Variants in PCDH15 observed in about 807,000 individuals in gnomAD.
PCDH15 encodes the protein protocadherin-15.
In PCDH15, 129 loss-of-function variants were observed where a neutral mutation model predicts 178.5. That is an observed-to-expected ratio of 0.72 (90% CI 0.63 to 0.84). PCDH15 has a LOEUF of 0.84. Among genes scored for constraint, PCDH15 ranks in the 40% least tolerant of loss-of-function variants. The pLI is 0.00. For synonymous variants in PCDH15, 800 were observed against 732.0 expected, an observed-to-expected ratio of 1.09 and a Z score of -1.50; for missense variants, 2,230 against 2,099.9, an observed-to-expected ratio of 1.06 and a Z score of -1.21.
intron 2 of PCDH15, among the ~76,000 whole-genome samples, chr10:55,075,618 C>T (rs1285063137): frequency 6.6e-6 from 1 of 152,024 alleles, no homozygotes; most frequent in Non-Finnish European, 1.5e-5. Flanking sequence ...CCGCCTCAGG[C>T]TCCCAAAGTG....
At chr10:55,472,874 A>G (rs1839992199) in intron 2 of PCDH15, among the ~76,000 whole-genome samples, 1 of 152,138 alleles carries the variant, frequency 6.6e-6, no homozygotes, top group African/African-American at 2.4e-5. Flanking sequence ...TTCCTTGAAA[A>G]TCACCAAGTT....
chr10:53,844,596 AT>A (rs1421510010), intron 28 of PCDH15, among the ~76,000 whole-genome samples: 1 of 152,010 alleles, frequency 6.6e-6, no homozygotes, highest in Non-Finnish European at 1.5e-5. Context: ...ACAGCCAATC[AT>A]TTTTGACCAA....
At chr10:54,206,837 C>T (rs969248322) in intron 10 of PCDH15, among the ~76,000 whole-genome samples, 1 of 151,984 alleles carries the variant, frequency 6.6e-6, no homozygotes, top group African/African-American at 2.4e-5. Flanking sequence ...AGAACGATTA[C>T]TCGGGAACAT....
chr10:54,329,531 C>G lies in PCDH15; in HGVS notation c.705+65G>C, dbSNP rs182792294. On this transcript the variant is annotated intron_variant, in intron 7 of 37. Coordinates refer to ENST00000644397, the MANE Select transcript of PCDH15 (RefSeq NM_001384140.1). ...CAGAGCTCTCCAAGAGTATCTGATACATTTTGGATGAGTTTTTTACTTCAT... is the reference window on the plus strand; with the variant it reads ...CAGAGCTCTCCAAGAGTATCTGATAGATTTTGGATGAGTTTTTTACTTCAT... 2.3e-3 allele frequency: 2,673 copies of G among 1,183,264 alleles called. 6 individuals are homozygous for G. Among genetic ancestry groups the G allele is most frequent in the Admixed American group, 3.9e-3 (229 of 59,004 alleles). 73.3% of individuals were successfully genotyped at this position (1,183,264 alleles called of 1,614,324 possible). A position where few individuals can be genotyped will look rare whatever the true frequency, so the allele number is the denominator to read the frequency against.
chr10:54,277,545 T>C (rs2058419880), intron 8 of PCDH15, among the ~76,000 whole-genome samples: 1 of 151,620 alleles, frequency 6.6e-6, no homozygotes, highest in Non-Finnish European at 1.5e-5. Context: ...TTTAGTAAAA[T>C]TTCCATGTGA....
chr10:55,101,621 T>G (rs1487704051), intron 2 of PCDH15, among the ~76,000 whole-genome samples: 3 of 151,804 alleles, frequency 2.0e-5, no homozygotes, highest in African/African-American at 4.8e-5. Context: ...GGCATATAAA[T>G]TTTTTAAATA....
intron 1 of PCDH15, among the ~76,000 whole-genome samples, chr10:55,291,336 T>C (rs562612506): frequency 1.0e-3 from 158 of 152,338 alleles, no homozygotes; most frequent in African/African-American, 3.6e-3. Flanking sequence ...CCTGAATATA[T>C]GATTGAAGCA....
chr10:55,102,842 T>C (rs909772832), intron 2 of PCDH15, among the ~76,000 whole-genome samples: 2 of 152,178 alleles, frequency 1.3e-5, no homozygotes, highest in South Asian at 2.1e-4. Context: ...AATGTAGTCT[T>C]ATTTTAAAAA....
intron 2 of PCDH15, among the ~76,000 whole-genome samples, chr10:55,418,599 G>T (rs1457042988): frequency 6.6e-6 from 1 of 151,728 alleles, no homozygotes; most frequent in Non-Finnish European, 1.5e-5. Flanking sequence ...TTTAGCACAT[G>T]ATGGAGACCA....
Position 54,211,212 on chromosome 10 carries a change from A to G in PCDH15, c.1098+2724T>C, listed in dbSNP as rs181297898. Reference sequence around the variant, plus strand: ...TGGTTTTTATTTTATGAGTGTAGTGATCAAATAACTTATCCAAACTGGGAC... The same window carrying G: ...TGGTTTTTATTTTATGAGTGTAGTGGTCAAATAACTTATCCAAACTGGGAC... On this transcript the variant is annotated intron_variant, in intron 10 of 37. Coordinates refer to ENST00000644397, the MANE Select transcript of PCDH15 (RefSeq NM_001384140.1). Among the ~76,000 whole-genome samples the G allele has an allele frequency of 3.1e-3, 470 of 150,404 alleles. 1 individual carries two copies. Among genetic ancestry groups the G allele is most frequent in the Middle Eastern group, 0.014 (4 of 286 alleles).
intron 9 of PCDH15, among the ~76,000 whole-genome samples, chr10:54,225,068 C>T (rs1019032656): frequency 6.6e-6 from 1 of 151,968 alleles, no homozygotes; most frequent in South Asian, 2.1e-4. Flanking sequence ...TTCAAAAAAT[C>T]TTTACCAAAG....
At chr10:54,209,492 C>A (rs17611502) in intron 10 of PCDH15, among the ~76,000 whole-genome samples, 2,326 of 152,004 alleles carry the variant, frequency 0.015, 27 homozygotes, top group Middle Eastern at 0.068. Context: ...AGAGAAGAGA[C>A]CTTTGAGGAA....
chr10:54,962,427 A>G (rs932270623), intron 2 of PCDH15, among the ~76,000 whole-genome samples: 91 of 151,678 alleles, frequency 6.0e-4, no homozygotes, highest in African/African-American at 2.2e-3. Context: ...TTGCCACACA[A>G]CAGGCGATGA....
intron 8 of PCDH15, among the ~76,000 whole-genome samples, chr10:54,238,397 A>C (rs1483706763): frequency 6.6e-6 from 1 of 152,072 alleles, no homozygotes; most frequent in African/African-American, 2.4e-5. Context: ...TTATTGACCA[A>C]TAATTTAAAC....
rs567891119 is a variant in PCDH15 at position 55,071,738 on chromosome 10, C to T, written c.-80+94838G>A. On this transcript the variant is annotated intron_variant, in intron 2 of 5. Transcript: ENST00000458638. ...CCAGGAATTGAACTCATCTCTGCACCAAGCTGACCTAATAGACATCTACAG... is the reference window on the plus strand; with the variant it reads ...CCAGGAATTGAACTCATCTCTGCACTAAGCTGACCTAATAGACATCTACAG... 1.2e-3 allele frequency among the ~76,000 whole-genome samples: 180 copies of T among 152,246 alleles called. 1 individual carries two copies. Among genetic ancestry groups the T allele is most frequent in the Non-Finnish European group, 2.1e-3 (145 of 68,022 alleles).
At chr10:55,044,482 T>A (rs1840947761) in intron 2 of PCDH15, among the ~76,000 whole-genome samples, 1 of 152,086 alleles carries the variant, frequency 6.6e-6, no homozygotes, top group African/African-American at 2.4e-5. Flanking sequence ...CCTAGCAATT[T>A]CCCTAAAAAA....
intron 2 of PCDH15, among the ~76,000 whole-genome samples, chr10:55,619,756 GA>G (rs1240533585): frequency 6.6e-6 from 1 of 151,886 alleles, no homozygotes; most frequent in African/African-American, 2.4e-5. Context: ...TTATCATGTA[GA>G]AAAATATAGC....
intron 8 of PCDH15, among the ~76,000 whole-genome samples, chr10:54,282,520 A>G (rs979245150): frequency 1.3e-5 from 2 of 152,130 alleles, no homozygotes; most frequent in Non-Finnish European, 2.9e-5. Flanking sequence ...CTGCTTAGGT[A>G]TTATTCAAAT....
intron 1 of PCDH15, among the ~76,000 whole-genome samples, chr10:54,774,524 C>A (rs1286039676): frequency 1.3e-5 from 2 of 152,124 alleles, no homozygotes; most frequent in Non-Finnish European, 2.9e-5. Context: ...CACACAAGCA[C>A]ACATACATAC....
Sources: gnomAD v4.1 joint callset for allele counts (sites outside exome capture counted in the v4.1 genomes callset) on GRCh38, gnomAD v4.1.1 for gene constraint, MANE v1.5 for transcripts, NCBI Gene and HGNC (gene_info 2026-07-23, HGNC 2026-07-21) for gene names.